CCDC8: variants seen among roughly 807,000 people sequenced by gnomAD.
CCDC8 encodes coiled-coil domain-containing protein 8.
Under a neutral mutation model 5.2 loss-of-function variants are expected in CCDC8, and 6 were observed. The ratio of observed to expected loss-of-function variants is 1.16; its 90% CI spans 0.63 to 2.28. The LOEUF is 2.28. Ranked by LOEUF, CCDC8 falls within the 30% of genes most tolerant of loss-of-function variation. CCDC8 has a pLI of 0.00. For synonymous variants in CCDC8, 310 were observed against 286.5 expected (o/e 1.08, Z -0.83); for missense variants, 724 against 712.2 (o/e 1.02, Z -0.19).
rs1463506406 is a variant in CCDC8, at chr19:46,411,367, T to A, written c.1444A>T (p.Thr482Ser). The change falls in exon 1 of 1, where the codon ACC (threonine) becomes TCC (serine). Residue 482 changes from threonine (T) to serine (S), a missense_variant. By Grantham distance (58) the Thr-to-Ser change is moderately conservative (BLOSUM62 1). Transcript: ENST00000307522. ...RKQVKTVRFQ[T>S]PGRFSWFCKR... ...CAAAACCACGAAAAGCGTCCAGGGG[T>A]CTGGAACCTCACTGTCTTGACCTGT... 12 of 1,614,034 alleles carry A rather than the reference T, an allele frequency of 7.4e-6. No individual in the cohort carries two copies. Among genetic ancestry groups the A allele is most frequent in the Non-Finnish European group, 1.0e-5 (12 of 1,180,024 alleles).
chr19:46,412,854 T>C lies in CCDC8; in HGVS notation c.-44A>G. 6.2e-7 allele frequency: 1 copy of C among 1,611,118 alleles called. No homozygotes were observed. ...CTCCTTGCGGAACACCTTGCCGATC[T>C]TCTTAAATGTCCCCACGGGCTTTAG... On this transcript the variant is annotated 5_prime_UTR_variant, in exon 1 of 1. Coordinates refer to ENST00000307522, the MANE Select transcript of CCDC8 (RefSeq NM_032040.5). The surrounding 1 kb of genome is among the most constrained non-coding windows in gnomAD (Gnocchi z 4.7).
chr19:46,412,799 G>C lies in CCDC8; in HGVS notation c.12C>G (p.Ile4Met), dbSNP rs947996134. 8.1e-6 allele frequency: 13 copies of C among 1,613,896 alleles called. No individual in the cohort carries two copies. Among genetic ancestry groups the C allele is most frequent in the African/African-American group, 1.3e-5 (1 of 74,886 alleles). The change falls in exon 1 of 1, where the codon ATC becomes ATG. Residue 4 changes from isoleucine (I) to methionine (M), a missense_variant. By Grantham distance (10) the Ile-to-Met change is conservative (BLOSUM62 1). Coordinates refer to ENST00000307522, the MANE Select transcript of CCDC8 (RefSeq NM_032040.5). The surrounding 1 kb of genome is among the most constrained non-coding windows in gnomAD (Gnocchi z 4.7). MLQ[I>M]GEDVDYLLIP... Reference sequence around the variant, plus strand: ...TGAGCAAATAGTCGACGTCCTCCCCGATCTGCAGCATCCCCACCGTGGAGT... The same window carrying C: ...TGAGCAAATAGTCGACGTCCTCCCCCATCTGCAGCATCCCCACCGTGGAGT...
rs143467587 is a variant in CCDC8, at chr19:46,412,029, G to T, written c.782C>A (p.Ser261Tyr). 556 of 1,602,768 alleles carry T rather than the reference G, an allele frequency of 3.5e-4. 5 individuals carry two copies. The African/African-American group carries it at 6.7e-3, about 19-fold the overall frequency. Residue 261 changes from serine (S) to tyrosine (Y), a missense_variant, in exon 1 of 1, where the codon TCC becomes TAC. Coordinates refer to ENST00000307522, the MANE Select transcript of CCDC8 (RefSeq NM_032040.5). This position sits in a 1 kb window ranked among gnomAD's most constrained non-coding sequence, Gnocchi z 4.7. Reference protein sequence around the residue: ...NAGDVCVPQASPRRWRPKINW... With the variant: ...NAGDVCVPQAYPRRWRPKINW... ...GATCTTGGGCCTCCATCGCCTAGGG[G>T]AAGCCTGGGGCACACAAACATCTCC...
chr19:46,411,141 C>A lies in CCDC8; in HGVS notation c.*53G>T. 1 of 1,608,600 alleles carries A rather than the reference C, an allele frequency of 6.2e-7. No individual in the cohort carries two copies. The highest frequency in any genetic ancestry group is 1.1e-5 in the South Asian group (1 of 90,814). On this transcript the variant is annotated 3_prime_UTR_variant, in exon 1 of 1. Transcript: ENST00000307522. ...ACTTTGAAGTTCAGAGGCAGAGCATCTCTCCCTCCCACACTTGGAGGGAGG... is the reference window on the plus strand; with the variant it reads ...ACTTTGAAGTTCAGAGGCAGAGCATATCTCCCTCCCACACTTGGAGGGAGG...
In CCDC8 at chr19:46,411,095, C is replaced by G; in HGVS notation, c.*99G>C. Reference sequence around the variant, plus strand: ...AATAAAGAGGGTTGTTAGGTGGAGACGTGGCCAGCACTCCACCTCCACTTT... The same window carrying G: ...AATAAAGAGGGTTGTTAGGTGGAGAGGTGGCCAGCACTCCACCTCCACTTT... On this transcript the variant is annotated 3_prime_UTR_variant, in exon 1 of 1. Transcript: ENST00000307522. 1 of 1,385,686 alleles carries G rather than the reference C, an allele frequency of 7.2e-7. No homozygotes were observed. The highest frequency in any genetic ancestry group is 1.0e-6 in the Non-Finnish European group (1 of 990,004). 85.8% of individuals were successfully genotyped at this position (1,385,686 alleles called of 1,614,324 possible).
rs1256920582 is a variant in CCDC8, at chr19:46,411,774, C to T, written c.1037G>A (p.Gly346Glu). Residue 346 changes from glycine (G) to glutamate (E), a missense_variant, in exon 1 of 1, where the codon GGG becomes GAG. Coordinates refer to ENST00000307522, the MANE Select transcript of CCDC8 (RefSeq NM_032040.5). ...CTCTGCCCCCTCCTCAGCTGGGGCC[C>T]CTGCCCTCTGATTATCTGCAGCCTC... ...REEAADNQRAGAPAEEGAEAA... is the reference protein window; with the variant it reads ...REEAADNQRAEAPAEEGAEAA... 3 of 1,609,434 alleles carry T rather than the reference C, an allele frequency of 1.9e-6. No homozygotes were observed. The highest frequency in any genetic ancestry group is 2.5e-6 in the Non-Finnish European group (3 of 1,178,694).
At position 46,411,971 on chromosome 19, in the gene CCDC8, C is replaced by T. The variant is rs966582204; in HGVS notation, c.840G>A (p.Glu280=). 7 of 1,609,282 alleles carry T rather than the reference C, an allele frequency of 4.3e-6. No homozygotes were observed. Among genetic ancestry groups the T allele is most frequent in the Admixed American group, 1.7e-5 (1 of 59,940 alleles). Residue 280 remains glutamate (E), a synonymous_variant, in exon 1 of 1, where the codon GAG becomes GAA. Transcript: ENST00000307522. ...NWASFRRRRK[E]QTAPTGQGAD... ...CCCCCTGACCTGTGGGTGCTGTCTG[C>T]TCCTTCCTGCGGCGCCGAAAGGAGG...
At position 46,410,701 on chromosome 19, in the gene CCDC8, G is replaced by A. The variant is rs1241271138; in HGVS notation, c.*493C>T. The A allele has an allele frequency of 6.3e-6, 1 of 159,204 alleles. No individual in the cohort carries two copies. Among genetic ancestry groups the A allele is most frequent in the Non-Finnish European group, 1.4e-5 (1 of 71,992 alleles). The allele number at this position is 159,204 out of a possible 1,614,324, so 9.9% of individuals were successfully genotyped here. A position where few individuals can be genotyped will look rare whatever the true frequency, so the allele number is the denominator to read the frequency against. On this transcript the variant is annotated 3_prime_UTR_variant, in exon 1 of 1. Transcript: ENST00000307522. ...TAAGTGTGCAGGCAAAAAAGAGATG[G>A]AAAAAGGAGTCAGTTTCTCCCCTGC...
rs114002462 is a variant in CCDC8, at chr19:46,412,212, T to A, written c.599A>T (p.Gln200Leu). The change falls in exon 1 of 1, where the codon CAG (glutamine) becomes CTG (leucine). Residue 200 changes from glutamine (Q) to leucine (L), a missense_variant. Gln to Leu is a moderately radical substitution (Grantham distance 113, BLOSUM62 -2). Transcript: ENST00000307522. The surrounding 1 kb of genome is among the most constrained non-coding windows in gnomAD (Gnocchi z 4.7). ...KADRWREYVSQVSWGKLKRRV... is the reference protein window; with the variant it reads ...KADRWREYVSLVSWGKLKRRV... ...CCGCTTCAGCTTCCCCCAGGACACC[T>A]GGCTGACATACTCCCGCCACCTGTC... 1.3e-3 allele frequency: 2,141 copies of A among 1,599,592 alleles called. 18 individuals are homozygous for A. The African/African-American group carries it at 0.025, about 18-fold the overall frequency.
At position 46,411,429 on chromosome 19, in the gene CCDC8, C is replaced by T. The variant is rs751431368; in HGVS notation, c.1382G>A (p.Gly461Glu). The change falls in exon 1 of 1, where the codon GGG becomes GAG. Residue 461 changes from glycine to glutamate, a missense_variant. Coordinates refer to ENST00000307522, the MANE Select transcript of CCDC8 (RefSeq NM_032040.5). ...IQEAEVSAAQ[G>E]TTGTAPGARA... Reference sequence around the variant, plus strand: ...GGCTCCTGGAGCTGTTCCTGTGGTCCCTTGGGCAGCTGAGACTTCAGCTTC... The same window carrying T: ...GGCTCCTGGAGCTGTTCCTGTGGTCTCTTGGGCAGCTGAGACTTCAGCTTC... 9 of 1,614,180 alleles carry T rather than the reference C, an allele frequency of 5.6e-6. No individual in the cohort carries two copies. The South Asian group carries it at 8.8e-5, about 16-fold the overall frequency.
In CCDC8 at chr19:46,411,475, C is replaced by T. The variant is rs539275231; in HGVS notation, c.1336G>A (p.Ala446Thr). The T allele has an allele frequency of 3.1e-6, 5 of 1,614,236 alleles. No homozygotes were observed. In the South Asian group the frequency reaches 3.3e-5, roughly 11 times the overall value. ...QRAEAAHNQRAGAPGIQEAEV... is the reference protein window; with the variant it reads ...QRAEAAHNQRTGAPGIQEAEV... Reference sequence around the variant, plus strand: ...GCTTCCTGGATACCTGGGGCCCCTGCCCTCTGATTATGTGCAGCCTCTGCC... The same window carrying T: ...GCTTCCTGGATACCTGGGGCCCCTGTCCTCTGATTATGTGCAGCCTCTGCC... Residue 446 changes from alanine to threonine, a missense_variant, in exon 1 of 1, where the codon GCA (alanine) becomes ACA (threonine). Ala to Thr is a moderately conservative substitution (Grantham distance 58, BLOSUM62 0). Coordinates refer to ENST00000307522, the MANE Select transcript of CCDC8 (RefSeq NM_032040.5).
rs1973235459 is a variant in CCDC8 at position 46,411,927 on chromosome 19, T to C, written c.884A>G (p.Gln295Arg). 6.2e-7 allele frequency: 1 copy of C among 1,611,858 alleles called. No individual in the cohort carries two copies. The highest frequency in any genetic ancestry group is 8.5e-7 in the Non-Finnish European group (1 of 1,179,074). The part of the protein sequence containing the change: ...TGQGADIEAD[Q>R]GGEAADSQRE... ...TTGACTATCTGCAGCCTCTCCCCCCTGATCAGCCTCGATGTCTGCCCCCTG... is the reference window on the plus strand; with the variant it reads ...TTGACTATCTGCAGCCTCTCCCCCCCGATCAGCCTCGATGTCTGCCCCCTG... Residue 295 changes from glutamine to arginine, a missense_variant, in exon 1 of 1, where the codon CAG becomes CGG. Coordinates refer to ENST00000307522, the MANE Select transcript of CCDC8 (RefSeq NM_032040.5).
Position 46,412,563 on chromosome 19 carries a change from T to G in CCDC8, c.248A>C (p.Gln83Pro). The change falls in exon 1 of 1, where the codon CAG (glutamine) becomes CCG (proline). Residue 83 changes from glutamine to proline, a missense_variant. Transcript: ENST00000307522. The surrounding 1 kb of genome is among the most constrained non-coding windows in gnomAD (Gnocchi z 4.7). ...PKEPRVRRRV[Q>P]QMVTPPPRLV... is the part of the protein sequence containing the mutation. ...CCGGGGCGGAGGAGTCACCATCTGC[T>G]GCACTCTCCTCCTCACTCGGGGCTC... 6.2e-7 allele frequency: 1 copy of G among 1,606,604 alleles called. No homozygotes were observed. Among genetic ancestry groups the G allele is most frequent in the Non-Finnish European group, 8.5e-7 (1 of 1,178,624 alleles).
chr19:46,411,042 C>G lies in CCDC8; in HGVS notation c.*152G>C. On this transcript the variant is annotated 3_prime_UTR_variant, in exon 1 of 1. Transcript: ENST00000307522. ...GTCTCTAAAAAATTTAAAAAAAAAT[C>G]AAAGCATGAACAAAACTTTAACAAG... 2 of 975,246 alleles carry G rather than the reference C, an allele frequency of 2.1e-6. No homozygotes were observed. Among genetic ancestry groups the G allele is most frequent in the Non-Finnish European group, 3.0e-6 (2 of 667,038 alleles). The allele number at this position is 975,246 out of a possible 1,614,324, so 60.4% of individuals were successfully genotyped here.
chr19:46,412,553 C>A lies in CCDC8; in HGVS notation c.258G>T (p.Val86=), dbSNP rs774247191. Residue 86 remains valine, a synonymous_variant, in exon 1 of 1, where the codon GTG becomes GTT. Coordinates refer to ENST00000307522, the MANE Select transcript of CCDC8 (RefSeq NM_032040.5). The surrounding 1 kb of genome is among the most constrained non-coding windows in gnomAD (Gnocchi z 4.7). ...PRVRRRVQQM[V]TPPPRLVVGT... is the part of the protein sequence containing the mutation. ...CCACGACCAGCCGGGGCGGAGGAGT[C>A]ACCATCTGCTGCACTCTCCTCCTCA... 1.2e-6 allele frequency: 2 copies of A among 1,607,782 alleles called. No homozygotes were observed. The highest frequency in any genetic ancestry group is 2.7e-5 in the African/African-American group (2 of 74,826).
At position 46,411,073 on chromosome 19, in the gene CCDC8, A is replaced by G; in HGVS notation, c.*121T>C. ...ATGAACAAAACTTTAACAAGAGAAT[A>G]AAGAGGGTTGTTAGGTGGAGACGTG... On this transcript the variant is annotated 3_prime_UTR_variant, in exon 1 of 1. Transcript: ENST00000307522. 1.7e-6 allele frequency: 2 copies of G among 1,202,266 alleles called. No individual in the cohort carries two copies. Among genetic ancestry groups the G allele is most frequent in the Non-Finnish European group, 2.4e-6 (2 of 845,700 alleles). 74.5% of individuals were successfully genotyped at this position (1,202,266 alleles called of 1,614,324 possible). A position where few individuals can be genotyped will look rare whatever the true frequency, so the allele number is the denominator to read the frequency against.
chr19:46,412,150 C>T lies in CCDC8; in HGVS notation c.661G>A (p.Val221Met), dbSNP rs751753432. Residue 221 changes from valine (V) to methionine (M), a missense_variant, in exon 1 of 1, where the codon GTG (valine) becomes ATG (methionine). Coordinates refer to ENST00000307522, the MANE Select transcript of CCDC8 (RefSeq NM_032040.5). The surrounding 1 kb of genome is among the most constrained non-coding windows in gnomAD (Gnocchi z 4.7). ...GTGGAGGCCAGCCGGGCCTCGCCCACCCCGGGGCCCGCCCTCGGCGCCCAA... is the reference window on the plus strand; with the variant it reads ...GTGGAGGCCAGCCGGGCCTCGCCCATCCCGGGGCCCGCCCTCGGCGCCCAA... The part of the protein sequence containing the change: ...KGWAPRAGPG[V>M]GEARLASTAV... 1 of 1,598,380 alleles carries T rather than the reference C, an allele frequency of 6.3e-7. No homozygotes were observed. Among genetic ancestry groups the T allele is most frequent in the Admixed American group, 1.7e-5 (1 of 59,968 alleles).
Position 46,411,958 on chromosome 19 carries a change from T to C in CCDC8, c.853A>G (p.Thr285Ala). ...RRRRKEQTAP[T>A]GQGADIEADQ... Reference sequence around the variant, plus strand: ...GCCTCGATGTCTGCCCCCTGACCTGTGGGTGCTGTCTGCTCCTTCCTGCGG... The same window carrying C: ...GCCTCGATGTCTGCCCCCTGACCTGCGGGTGCTGTCTGCTCCTTCCTGCGG... The change falls in exon 1 of 1, where the codon ACA (threonine) becomes GCA (alanine). Residue 285 changes from threonine to alanine, a missense_variant. Physicochemically the swap from Thr to Ala is moderately conservative, Grantham distance 58. Coordinates refer to ENST00000307522, the MANE Select transcript of CCDC8 (RefSeq NM_032040.5). The C allele has an allele frequency of 6.2e-7, 1 of 1,610,638 alleles. No individual in the cohort carries two copies. Among genetic ancestry groups the C allele is most frequent in the Non-Finnish European group, 8.5e-7 (1 of 1,179,558 alleles).
At position 46,412,454 on chromosome 19, in the gene CCDC8, C is replaced by G; in HGVS notation, c.357G>C (p.Gln119His). The change falls in exon 1 of 1, where the codon CAG becomes CAC. Residue 119 changes from glutamine (Q) to histidine (H), a missense_variant. Gln to His is a conservative substitution (Grantham distance 24). Transcript: ENST00000307522. The surrounding 1 kb of genome is among the most constrained non-coding windows in gnomAD (Gnocchi z 4.7). ...DFETSRDKSRQGPRRGKKVRK... is the reference protein window; with the variant it reads ...DFETSRDKSRHGPRRGKKVRK... The stretch of plus-strand genomic sequence containing the variant: ...GCACCTTCTTGCCCCGCCGCGGGCC[C>G]TGGCGGCTCTTGTCTCTGGAGGTCT... The G allele has an allele frequency of 1.2e-6, 2 of 1,611,408 alleles. No individual in the cohort carries two copies. Among genetic ancestry groups the G allele is most frequent in the South Asian group, 1.1e-5 (1 of 91,074 alleles).
Sources: gnomAD v4.1 joint callset for allele counts on GRCh38, gnomAD v4.1.1 for gene constraint, Gnocchi (gnomAD v3.1) non-coding constraint, MANE v1.5 for transcripts, NCBI Gene and HGNC (gene_info 2026-07-23, HGNC 2026-07-21) for gene names.